SMIM10L1: variants seen among roughly 807,000 people sequenced by gnomAD.
The protein encoded by SMIM10L1 is small integral membrane protein 10 like 1.
Under a neutral mutation model 4.5 loss-of-function variants are expected in SMIM10L1, and 6 were observed. That is an observed-to-expected ratio of 1.33 (90% CI 0.73 to 2.62). The LOEUF is 2.62. Ranked by LOEUF, SMIM10L1 falls within the 30% of genes most tolerant of loss-of-function variation. SMIM10L1 has a pLI of 0.00. For missense variants in SMIM10L1, 66 were observed against 86.2 expected (o/e 0.77, Z 0.93); for synonymous variants, 49 against 42.2 (o/e 1.16, Z -0.63).
In SMIM10L1 at chr12:11,173,317, A is replaced by T. The variant is rs770634103; in HGVS notation, c.*1754A>T. On this transcript the variant is annotated 3_prime_UTR_variant, in exon 1 of 1. Coordinates refer to ENST00000622602, the MANE Select transcript of SMIM10L1 (RefSeq NM_001271592.2). The stretch of plus-strand genomic sequence containing the variant: ...GGCACATTCTCCTATAGCCTTTTCT[A>T]CCTGAAGATACTCTGTGTTTTAAAG... The T allele has an allele frequency of 2.0e-5, 3 of 152,116 alleles. No individual in the cohort carries two copies. Among genetic ancestry groups the T allele is most frequent in the Admixed American group, 1.3e-4 (2 of 15,280 alleles). The allele number at this position is 152,116 out of a possible 1,614,324, so 9.4% of individuals were successfully genotyped here. A position where few individuals can be genotyped will look rare whatever the true frequency, so the allele number is the denominator to read the frequency against.
At position 11,175,174 on chromosome 12, in the gene SMIM10L1, G is replaced by A. The variant is rs1947930211; in HGVS notation, c.*3611G>A. On this transcript the variant is annotated 3_prime_UTR_variant, in exon 1 of 1. Transcript: ENST00000622602. ...ACTCTCTGCAGCCTTAAACCTATTG[G>A]CTTATTTTATTAGAGGGTTGGTGGG... 1 of 151,914 alleles carries A rather than the reference G, an allele frequency of 6.6e-6. No homozygotes were observed. Among genetic ancestry groups the A allele is most frequent in the Non-Finnish European group, 1.5e-5 (1 of 67,988 alleles). 9.4% of individuals were successfully genotyped at this position (151,914 alleles called of 1,614,324 possible).
In SMIM10L1 at chr12:11,171,764, T is replaced by C. The variant is rs1047711; in HGVS notation, c.*201T>C. The C allele has an allele frequency of 0.81, 318,165 of 392,622 alleles. 132,880 individuals are homozygous for C. Among genetic ancestry groups the C allele is most frequent in the East Asian group, 0.98 (26,963 of 27,574 alleles). The allele number at this position is 392,622 out of a possible 1,614,324, so 24.3% of individuals were successfully genotyped here. The stretch of plus-strand genomic sequence containing the variant: ...TACAATCCCTAGAAAGAGAATACGC[T>C]GTTCCGGAAACAGAACTGCAGTTAA... On this transcript the variant is annotated 3_prime_UTR_variant, in exon 1 of 1. Coordinates refer to ENST00000622602, the MANE Select transcript of SMIM10L1 (RefSeq NM_001271592.2).
chr12:11,171,657 C>T lies in SMIM10L1; in HGVS notation c.*94C>T. 2 of 925,248 alleles carry T rather than the reference C, an allele frequency of 2.2e-6. No individual in the cohort carries two copies. Among genetic ancestry groups the T allele is most frequent in the Non-Finnish European group, 2.8e-6 (2 of 708,024 alleles). The allele number at this position is 925,248 out of a possible 1,614,324, so 57.3% of individuals were successfully genotyped here. A position where few individuals can be genotyped will look rare whatever the true frequency, so the allele number is the denominator to read the frequency against. ...GCGGAGCAGCCAATGGCGAGCCCCACAGTCTCGCGAGAGTGCTCAGGCGCT... is the reference window on the plus strand; with the variant it reads ...GCGGAGCAGCCAATGGCGAGCCCCATAGTCTCGCGAGAGTGCTCAGGCGCT... On this transcript the variant is annotated 3_prime_UTR_variant, in exon 1 of 1. Transcript: ENST00000622602.
At position 11,173,153 on chromosome 12, in the gene SMIM10L1, A is replaced by G. The variant is rs1265362748; in HGVS notation, c.*1590A>G. ...AGTGTTAAAATAGTTGCATTGTTCT[A>G]TATTCCACTCATTGTGTCCAGCAAA... is the stretch of plus-strand genomic sequence containing the variant. On this transcript the variant is annotated 3_prime_UTR_variant, in exon 1 of 1. Coordinates refer to ENST00000622602, the MANE Select transcript of SMIM10L1 (RefSeq NM_001271592.2). 1 of 152,148 alleles carries G rather than the reference A, an allele frequency of 6.6e-6. No homozygotes were observed. The highest frequency in any genetic ancestry group is 2.4e-5 in the African/African-American group (1 of 41,440). The allele number at this position is 152,148 out of a possible 1,614,324, so 9.4% of individuals were successfully genotyped here. A position where few individuals can be genotyped will look rare whatever the true frequency, so the allele number is the denominator to read the frequency against.
At position 11,175,493 on chromosome 12, in the gene SMIM10L1, A is replaced by G. The variant is rs1271084830; in HGVS notation, c.*3930A>G. The G allele has an allele frequency of 6.6e-6, 1 of 152,240 alleles. No individual in the cohort carries two copies. Among genetic ancestry groups the G allele is most frequent in the Non-Finnish European group, 1.5e-5 (1 of 68,030 alleles). 9.4% of individuals were successfully genotyped at this position (152,240 alleles called of 1,614,324 possible). On this transcript the variant is annotated 3_prime_UTR_variant, in exon 1 of 1. Coordinates refer to ENST00000622602, the MANE Select transcript of SMIM10L1 (RefSeq NM_001271592.2). ...GATGAAAGTTGAGGAATATAGGGAC[A>G]AAAGATGAGGGAAAGGAATATCCTA...
At position 11,172,921 on chromosome 12, in the gene SMIM10L1, ATGG is replaced by A. The variant is rs1333923743; in HGVS notation, c.*1364_*1366del. The A allele has an allele frequency of 6.6e-6, 1 of 152,120 alleles. No homozygotes were observed. The highest frequency in any genetic ancestry group is 1.5e-5 in the Non-Finnish European group (1 of 68,006). The allele number at this position is 152,120 out of a possible 1,614,324, so 9.4% of individuals were successfully genotyped here. A position where few individuals can be genotyped will look rare whatever the true frequency, so the allele number is the denominator to read the frequency against. On this transcript the variant is annotated 3_prime_UTR_variant, in exon 1 of 1. Coordinates refer to ENST00000622602, the MANE Select transcript of SMIM10L1 (RefSeq NM_001271592.2). ...GAGAAAAGAGATGTGTGTGTGTGTAATGGTGGTGAGCCAATCAAGATCTGATAT... is the reference window on the plus strand; with the variant it reads ...GAGAAAAGAGATGTGTGTGTGTGTAATGGTGAGCCAATCAAGATCTGATAT...
Position 11,175,185 on chromosome 12 carries a change from T to G in SMIM10L1, c.*3622T>G, listed in dbSNP as rs1252786956. 1 of 152,126 alleles carries G rather than the reference T, an allele frequency of 6.6e-6. No individual in the cohort carries two copies. The highest frequency in any genetic ancestry group is 1.9e-4 in the East Asian group (1 of 5,190). The allele number at this position is 152,126 out of a possible 1,614,324, so 9.4% of individuals were successfully genotyped here. On this transcript the variant is annotated 3_prime_UTR_variant, in exon 1 of 1. Coordinates refer to ENST00000622602, the MANE Select transcript of SMIM10L1 (RefSeq NM_001271592.2). Reference sequence around the variant, plus strand: ...CCTTAAACCTATTGGCTTATTTTATTAGAGGGTTGGTGGGATTGAGGGATA... The same window carrying G: ...CCTTAAACCTATTGGCTTATTTTATGAGAGGGTTGGTGGGATTGAGGGATA...
In SMIM10L1 at chr12:11,171,858, G is replaced by A. The variant is rs1032644686; in HGVS notation, c.*295G>A. 5 of 263,752 alleles carry A rather than the reference G, an allele frequency of 1.9e-5. No homozygotes were observed. Among genetic ancestry groups the A allele is most frequent in the Non-Finnish European group, 3.5e-5 (5 of 140,904 alleles). 16.3% of individuals were successfully genotyped at this position (263,752 alleles called of 1,614,324 possible). A position where few individuals can be genotyped will look rare whatever the true frequency, so the allele number is the denominator to read the frequency against. ...GACGAATTTCAGAATGTGACAAAGCGCAGAGGATGCATTATTTCAAAACAA... is the reference window on the plus strand; with the variant it reads ...GACGAATTTCAGAATGTGACAAAGCACAGAGGATGCATTATTTCAAAACAA... On this transcript the variant is annotated 3_prime_UTR_variant, in exon 1 of 1. Coordinates refer to ENST00000622602, the MANE Select transcript of SMIM10L1 (RefSeq NM_001271592.2).
At position 11,171,239 on chromosome 12, in the gene SMIM10L1, G is replaced by A. The variant is rs1365732676; in HGVS notation, c.-118G>A. ...CGAGCGGCGGCAGCGGCAAGCTTGGGTGTGAGCCCGGGAGCCGCTTTGCTT... is the reference window on the plus strand; with the variant it reads ...CGAGCGGCGGCAGCGGCAAGCTTGGATGTGAGCCCGGGAGCCGCTTTGCTT... On this transcript the variant is annotated 5_prime_UTR_variant, in exon 1 of 1. In the 5' UTR this introduces an upstream ATG that the reference lacks. Transcript: ENST00000622602. The A allele has an allele frequency of 1.6e-6, 1 of 611,300 alleles. No homozygotes were observed. Among genetic ancestry groups the A allele is most frequent in the Non-Finnish European group, 2.4e-6 (1 of 421,320 alleles). 37.9% of individuals were successfully genotyped at this position (611,300 alleles called of 1,614,324 possible).
Position 11,175,639 on chromosome 12 carries a change from A to G in SMIM10L1, c.*4076A>G, listed in dbSNP as rs1274574492. ...AATTCCCAACAATTGGGTTGGATTG[A>G]TTCATATTAGTCTATTACTTGGGTT... On this transcript the variant is annotated 3_prime_UTR_variant, in exon 1 of 1. Coordinates refer to ENST00000622602, the MANE Select transcript of SMIM10L1 (RefSeq NM_001271592.2). The G allele has an allele frequency of 6.6e-6, 1 of 152,178 alleles. No homozygotes were observed. The highest frequency in any genetic ancestry group is 1.5e-5 in the Non-Finnish European group (1 of 68,034). 9.4% of individuals were successfully genotyped at this position (152,178 alleles called of 1,614,324 possible).
chr12:11,171,675 C>G lies in SMIM10L1; in HGVS notation c.*112C>G. 2 of 775,278 alleles carry G rather than the reference C, an allele frequency of 2.6e-6. No individual in the cohort carries two copies. Among genetic ancestry groups the G allele is most frequent in the East Asian group, 3.4e-5 (1 of 29,620 alleles). The allele number at this position is 775,278 out of a possible 1,614,324, so 48.0% of individuals were successfully genotyped here. On this transcript the variant is annotated 3_prime_UTR_variant, in exon 1 of 1. Coordinates refer to ENST00000622602, the MANE Select transcript of SMIM10L1 (RefSeq NM_001271592.2). ...AGCCCCACAGTCTCGCGAGAGTGCT[C>G]AGGCGCTCTTCGTGGCTGCCCTCTT...
At position 11,171,880 on chromosome 12, in the gene SMIM10L1, A is replaced by G. The variant is rs373963084; in HGVS notation, c.*317A>G. The G allele has an allele frequency of 1.3e-4, 28 of 223,190 alleles. No homozygotes were observed. The highest frequency in any genetic ancestry group is 2.8e-3 in the Middle Eastern group (2 of 704). 13.8% of individuals were successfully genotyped at this position (223,190 alleles called of 1,614,324 possible). On this transcript the variant is annotated 3_prime_UTR_variant, in exon 1 of 1. Transcript: ENST00000622602. ...AGCGCAGAGGATGCATTATTTCAAA[A>G]CAAAACAGAAGGCTAAAATTTGCAG... is the stretch of plus-strand genomic sequence containing the variant.
rs1002538872 is a variant in SMIM10L1 at position 11,172,507 on chromosome 12, A to T, written c.*944A>T. 6 of 152,172 alleles carry T rather than the reference A, an allele frequency of 3.9e-5. No individual in the cohort carries two copies. Among genetic ancestry groups the T allele is most frequent in the Admixed American group, 2.0e-4 (3 of 15,262 alleles). 9.4% of individuals were successfully genotyped at this position (152,172 alleles called of 1,614,324 possible). ...CATTTTTATTACTTACAGGGTAGCC[A>T]TAAAGTTTCTAAAACGGTAATATAT... is the stretch of plus-strand genomic sequence containing the variant. On this transcript the variant is annotated 3_prime_UTR_variant, in exon 1 of 1. Transcript: ENST00000622602.
rs1947913727 is a variant in SMIM10L1, at chr12:11,174,115, A to C, written c.*2552A>C. On this transcript the variant is annotated 3_prime_UTR_variant, in exon 1 of 1. Transcript: ENST00000622602. Reference sequence around the variant, plus strand: ...ACTCTGTGGTTTATCATTTATTCACAATTGCTCTTAATTCTTGGGGTATAG... The same window carrying C: ...ACTCTGTGGTTTATCATTTATTCACCATTGCTCTTAATTCTTGGGGTATAG... The C allele has an allele frequency of 6.6e-6, 1 of 151,986 alleles. No individual in the cohort carries two copies. The highest frequency in any genetic ancestry group is 2.4e-5 in the African/African-American group (1 of 41,390). 9.4% of individuals were successfully genotyped at this position (151,986 alleles called of 1,614,324 possible).
In SMIM10L1 at chr12:11,171,376, C is replaced by T; in HGVS notation, c.20C>T (p.Pro7Leu). 1.6e-6 allele frequency: 2 copies of T among 1,231,952 alleles called. No homozygotes were observed. The allele number at this position is 1,231,952 out of a possible 1,614,324, so 76.3% of individuals were successfully genotyped here. ...TGGCTCATGGCCCCCGCGGCGGCTC[C>T]GTCCTCCTTGGCCGTCAGGGCCTCA... Reference protein sequence around the residue: MAPAAAPSSLAVRASSP... With the variant: MAPAAALSSLAVRASSP... The change falls in exon 1 of 1, where the codon CCG (proline) becomes CTG (leucine). Residue 7 changes from proline (P) to leucine (L), a missense_variant. Coordinates refer to ENST00000622602, the MANE Select transcript of SMIM10L1 (RefSeq NM_001271592.2).
At position 11,171,538 on chromosome 12, in the gene SMIM10L1, A is replaced by G; in HGVS notation, c.182A>G (p.Asn61Ser). The G allele has an allele frequency of 8.1e-7, 1 of 1,232,182 alleles. No individual in the cohort carries two copies. 76.3% of individuals were successfully genotyped at this position (1,232,182 alleles called of 1,614,324 possible). A position where few individuals can be genotyped will look rare whatever the true frequency, so the allele number is the denominator to read the frequency against. The stretch of plus-strand genomic sequence containing the variant: ...TACGTCGCGGGCTCGGTGATCCTCA[A>G]CATCCGATTGCAGGTACATATTTAG... ...YFYVAGSVIL[N>S]IRLQVHI Residue 61 changes from asparagine (N) to serine (S), a missense_variant, in exon 1 of 1, where the codon AAC becomes AGC. Transcript: ENST00000622602.
chr12:11,171,301 G>A lies in SMIM10L1; in HGVS notation c.-56G>A, dbSNP rs868551152. 2 of 1,143,806 alleles carry A rather than the reference G, an allele frequency of 1.7e-6. No individual in the cohort carries two copies. The highest frequency in any genetic ancestry group is 3.3e-4 in the Middle Eastern group (1 of 3,060). The allele number at this position is 1,143,806 out of a possible 1,614,324, so 70.9% of individuals were successfully genotyped here. On this transcript the variant is annotated 5_prime_UTR_variant, in exon 1 of 1. Transcript: ENST00000622602. ...GGTCCCAGCCGTCGCTAGGAGGTCC[G>A]CGGGCCCTGCGGCAACCCTCGCTAC...
chr12:11,173,334 GT>G lies in SMIM10L1; in HGVS notation c.*1775del, dbSNP rs1205145719. ...CCTTTTCTACCTGAAGATACTCTGT[GT>G]TTTAAAGCTAAGCTTAGGTGGCGCT... On this transcript the variant is annotated 3_prime_UTR_variant, in exon 1 of 1. Transcript: ENST00000622602. 1 of 152,132 alleles carries G rather than the reference GT, an allele frequency of 6.6e-6. No individual in the cohort carries two copies. Among genetic ancestry groups the G allele is most frequent in the East Asian group, 1.9e-4 (1 of 5,196 alleles). 9.4% of individuals were successfully genotyped at this position (152,132 alleles called of 1,614,324 possible).
chr12:11,171,425 G>A lies in SMIM10L1; in HGVS notation c.69G>A (p.Ser23=). The change falls in exon 1 of 1, where the codon TCG becomes TCA. Residue 23 remains serine (S), a synonymous_variant. Coordinates refer to ENST00000622602, the MANE Select transcript of SMIM10L1 (RefSeq NM_001271592.2). ...CAAGCCCCGCCGCGACACCCACCTC[G>A]TACGGCGTCTTCTGCAAGGGGCTCT... ...RASSPAATPT[S]YGVFCKGLSR... The A allele has an allele frequency of 8.1e-7, 1 of 1,232,036 alleles. No homozygotes were observed. The allele number at this position is 1,232,036 out of a possible 1,614,324, so 76.3% of individuals were successfully genotyped here. A position where few individuals can be genotyped will look rare whatever the true frequency, so the allele number is the denominator to read the frequency against.
Sources: gnomAD v4.1 joint callset for allele counts on GRCh38, gnomAD v4.1.1 for gene constraint, MANE v1.5 for transcripts, NCBI Gene and HGNC (gene_info 2026-07-23, HGNC 2026-07-21) for gene names.